KASH5: variants seen among roughly 807,000 people sequenced by gnomAD.
KASH5 encodes KASH domain containing 5.
In KASH5, 72 loss-of-function variants were observed where a neutral mutation model predicts 84.2. The observed-to-expected ratio is 0.85, with a 90% confidence interval of 0.71 to 1.04. The LOEUF (loss-of-function observed/expected upper bound fraction) is 1.04, where lower values mean the gene tolerates loss of function less well. Ranked by LOEUF, KASH5 falls within the 50% of genes least tolerant of loss-of-function variation. The pLI is 0.00. For missense variants in KASH5, 650 were observed against 701.0 expected (o/e 0.93, Z 0.82); for synonymous variants, 260 against 279.1 (o/e 0.93, Z 0.68).
At chr19:49,407,698 C>T (rs920676592) in intron 12 of KASH5, 27 bp downstream of exon 12, 3 of 1,578,074 alleles carry the variant, frequency 1.9e-6, no homozygotes, top group Non-Finnish European at 1.7e-6. Context: ...CGCCACCCAC[C>T]GCGGCCCTCG....
chr19:49,400,987 G>C (rs561943086), intron 9 of KASH5, among the ~76,000 whole-genome samples: 1 of 152,282 alleles, frequency 6.6e-6, no homozygotes, highest in South Asian at 2.1e-4. Context: ...AGTGCTCTAG[G>C]AGGCTGCTGA....
chr19:49,394,876 A>G (rs1157588891), intron 3 of KASH5: 1 of 590,254 alleles, frequency 1.7e-6, no homozygotes, highest in African/African-American at 1.9e-5. Flanking sequence ...TGCTGTCCCT[A>G]TGTCCATCCC....
chr19:49,403,054 G>A (rs765262387), intron 9 of KASH5, among the ~76,000 whole-genome samples: 1 of 152,042 alleles, frequency 6.6e-6, no homozygotes, highest in Non-Finnish European at 1.5e-5. Flanking sequence ...GTAGGAAAAC[G>A]TGGGGCAAAG....
At position 49,389,976 on chromosome 19, in the gene KASH5, G is replaced by A. The variant is rs374397201; in HGVS notation, c.-95-813G>A. 352 of 153,032 alleles carry A rather than the reference G, an allele frequency of 2.3e-3. 3 individuals are homozygous for A. Among genetic ancestry groups the A allele is most frequent in the African/African-American group, 8.0e-3 (334 of 41,564 alleles). The allele number at this position is 153,032 out of a possible 1,614,324, so 9.5% of individuals were successfully genotyped here. ...GGGCCATGATGAGGAGAGACCTAGG[G>A]GTTGCCCGACGGAGAGAAAAGGGAC... On this transcript the variant is annotated intron_variant, in intron 1 of 19. Transcript: ENST00000447857.
At chr19:49,409,438 G>A (rs765478542) in intron 14 of KASH5, among the ~76,000 whole-genome samples, 155 bp downstream of exon 14, 1 of 151,966 alleles carries the variant, frequency 6.6e-6, no homozygotes, top group Non-Finnish European at 1.5e-5. Flanking sequence ...TCTCTACCTC[G>A]GATCCTAACC....
In KASH5 at chr19:49,399,805, G is replaced by A; in HGVS notation, c.798+298G>A. On this transcript the variant is annotated intron_variant, in intron 9 of 19. Coordinates refer to ENST00000447857, the MANE Select transcript of KASH5 (RefSeq NM_144688.5). The surrounding 1 kb of genome is among the most constrained non-coding windows in gnomAD (Gnocchi z 4.4). Reference sequence around the variant, plus strand: ...ACCTATAAAGATGAACAAAACAATGGCATCTGCCTCAGTGGTTTGTGTGAG... The same window carrying A: ...ACCTATAAAGATGAACAAAACAATGACATCTGCCTCAGTGGTTTGTGTGAG... 1 of 595,514 alleles carries A rather than the reference G, an allele frequency of 1.7e-6. No individual in the cohort carries two copies. The highest frequency in any genetic ancestry group is 2.7e-6 in the Non-Finnish European group (1 of 375,190). 36.9% of individuals were successfully genotyped at this position (595,514 alleles called of 1,614,324 possible). A position where few individuals can be genotyped will look rare whatever the true frequency, so the allele number is the denominator to read the frequency against.
At position 49,400,367 on chromosome 19, in the gene KASH5, T is replaced by G. The variant is rs12982866; in HGVS notation, c.798+860T>G. Among the ~76,000 whole-genome samples the G allele has an allele frequency of 5.7e-5, 7 of 122,356 alleles. No individual in the cohort carries two copies. In the South Asian group the frequency reaches 8.3e-4, roughly 14 times the overall value. 80.3% of individuals were successfully genotyped at this position (122,356 alleles called of 152,430 possible). A position where few individuals can be genotyped will look rare whatever the true frequency, so the allele number is the denominator to read the frequency against. On this transcript the variant is annotated intron_variant, in intron 9 of 19. Transcript: ENST00000447857. ...ACTTTTAGTTTCTTTTTTTTTTTTT[T>G]CTTTTTTTTTTTTTTGAGACAGAGT...
intron 2 of KASH5, among the ~76,000 whole-genome samples, chr19:49,391,944 T>TTC (rs141198039): frequency 0.011 from 1,728 of 152,250 alleles, 42 homozygotes; most frequent in Middle Eastern, 0.054. Context: ...CTGCGTCTTT[T>TTC]TCTACAAAGC....
chr19:49,392,116 G>A (rs372085181), intron 2 of KASH5, among the ~76,000 whole-genome samples: 44 of 152,190 alleles, frequency 2.9e-4, no homozygotes, highest in Admixed American at 9.2e-4. Flanking sequence ...AGACAGCTTC[G>A]AGAGGCTCTG....
intron 14 of KASH5, among the ~76,000 whole-genome samples, chr19:49,409,511 C>T (rs1422871482): frequency 6.6e-6 from 1 of 152,150 alleles, no homozygotes; most frequent in East Asian, 1.9e-4. Context: ...TTGACTCACC[C>T]CTATCTCGTC....
In KASH5 at chr19:49,412,415, G is replaced by A. The variant is rs116302232; in HGVS notation, c.1270-553G>A. Reference sequence around the variant, plus strand: ...CTTGTGAGGTGAAATCTTGAGGGATGTCTGGGGGCTGCCTGGAAGAGTTGG... The same window carrying A: ...CTTGTGAGGTGAAATCTTGAGGGATATCTGGGGGCTGCCTGGAAGAGTTGG... On this transcript the variant is annotated intron_variant, in intron 15 of 19. Transcript: ENST00000447857. This position sits in a 1 kb window ranked among gnomAD's most constrained non-coding sequence, Gnocchi z 4.6. Among the ~76,000 whole-genome samples, 1,026 of 152,212 alleles carry A rather than the reference G, an allele frequency of 6.7e-3. 18 individuals carry two copies. Among genetic ancestry groups the A allele is most frequent in the African/African-American group, 0.024 (986 of 41,524 alleles).
intron 2 of KASH5, among the ~76,000 whole-genome samples, chr19:49,394,095 C>G (rs191216607): frequency 6.6e-6 from 1 of 152,130 alleles, no homozygotes; most frequent in Admixed American, 6.5e-5. Context: ...CCTGGGCCCC[C>G]CCTTCACTCT....
rs111969126 is a variant in KASH5, at chr19:49,412,417, C to G, written c.1270-551C>G. ...TGTGAGGTGAAATCTTGAGGGATGTCTGGGGGCTGCCTGGAAGAGTTGGGT... is the reference window on the plus strand; with the variant it reads ...TGTGAGGTGAAATCTTGAGGGATGTGTGGGGGCTGCCTGGAAGAGTTGGGT... On this transcript the variant is annotated intron_variant, in intron 15 of 19. Transcript: ENST00000447857. The surrounding 1 kb of genome is among the most constrained non-coding windows in gnomAD (Gnocchi z 4.6). 2.0e-4 allele frequency among the ~76,000 whole-genome samples: 31 copies of G among 152,186 alleles called. No individual in the cohort carries two copies. Among genetic ancestry groups the G allele is most frequent in the Admixed American group, 9.8e-4 (15 of 15,298 alleles).
At chr19:49,390,759 G>A in intron 1 of KASH5, 30 bp from the exon 2 acceptor site, 3 of 1,098,632 alleles carry the variant, frequency 2.7e-6, no homozygotes, top group Non-Finnish European at 3.7e-6. Context: ...TGGCTGCTCT[G>A]AGGACACCAT....
intron 9 of KASH5, among the ~76,000 whole-genome samples, chr19:49,402,399 CAAAA>C (rs1419268434): frequency 7.8e-6 from 1 of 128,900 alleles, no homozygotes; most frequent in East Asian, 2.3e-4. Flanking sequence ...CAAAAAAAAA[CAAAA>C]AAAGTAAATA....
intron 3 of KASH5, 142 bp downstream of exon 3, chr19:49,394,722 CTTCAGGAAGA>C: frequency 3.1e-6 from 2 of 648,782 alleles, no homozygotes. Flanking sequence ...TTATGGGAAG[CTTCAGGAAGA>C]AGAACGTGGA....
chr19:49,409,174 T>C, intron 13 of KASH5, 22 bp from the exon 14 acceptor site: 1 of 1,610,998 alleles, frequency 6.2e-7, no homozygotes, highest in Non-Finnish European at 8.5e-7. Flanking sequence ...GCCATCTTCC[T>C]CCCTCCTTCC....
Position 49,395,686 on chromosome 19 carries a change from C to A in KASH5, c.336-83C>A. 1 of 1,409,564 alleles carries A rather than the reference C, an allele frequency of 7.1e-7. No homozygotes were observed. The highest frequency in any genetic ancestry group is 9.8e-7 in the Non-Finnish European group (1 of 1,022,204). 87.3% of individuals were successfully genotyped at this position (1,409,564 alleles called of 1,614,324 possible). ...TCTCACCTGACCCGGTCCCCTCCTC[C>A]CACCTGCAATCCCCCTGCCTGTGGC... On this transcript the variant is annotated intron_variant, in intron 4 of 19. Transcript: ENST00000447857. This position sits in a 1 kb window ranked among gnomAD's most constrained non-coding sequence, Gnocchi z 4.4.
intron 1 of KASH5, chr19:49,389,673 G>A (rs1019993973): frequency 3.3e-5 from 5 of 152,452 alleles, no homozygotes; most frequent in African/African-American, 1.2e-4. Context: ...GGTGAGGACA[G>A]GCGAGCCCAG....
Sources: allele counts gnomAD v4.1 joint callset (sites outside exome capture counted in the v4.1 genomes callset), GRCh38; gene constraint gnomAD v4.1.1; non-coding constraint Gnocchi (gnomAD v3.1); transcripts MANE v1.5; gene names NCBI Gene and HGNC (gene_info 2026-07-23, HGNC 2026-07-21).